Variants in KIF21A observed in about 807,000 individuals in gnomAD.
The protein encoded by KIF21A is kinesin-like protein KIF21A.
Under a neutral mutation model 202.9 loss-of-function variants are expected in KIF21A, and 114 were observed. The ratio of observed to expected loss-of-function variants is 0.56; its 90% confidence interval spans 0.48 to 0.66. The LOEUF (loss-of-function observed/expected upper bound fraction) is 0.66. Among genes scored for constraint, KIF21A ranks in the 30% least tolerant of loss-of-function variants. The pLI is 0.00. For synonymous variants in KIF21A, 667 were observed against 670.8 expected, an observed-to-expected ratio of 0.99 and a Z score of 0.09; for missense variants, 1,677 against 1,994.9, an observed-to-expected ratio of 0.84 and a Z score of 3.04.
chr12:39,356,842 C>T lies in KIF21A; in HGVS notation c.1459G>A (p.Glu487Lys), dbSNP rs1948811066. ...GAACATGAACTATACCTGAGATCTT[C>T]GATTTCTTTTATATAACTATGAATC... ...NMIHSYIKEI[E>K]DLRAKLLESE... Residue 487 changes from glutamate to lysine, a missense_variant, in exon 10 of 38, where the codon GAA becomes AAA. By Grantham distance (56) the Glu-to-Lys change is moderately conservative (BLOSUM62 1). This residue lies in a region of KIF21A where 966 missense variants were observed against 1,180.9 expected (regional missense o/e 0.82). Transcript: ENST00000361418. 4.9e-6 allele frequency: 6 copies of T among 1,217,198 alleles called. No homozygotes were observed. Among genetic ancestry groups the T allele is most frequent in the South Asian group, 1.2e-5 (1 of 82,154 alleles). The allele number at this position is 1,217,198 out of a possible 1,614,324, so 75.4% of individuals were successfully genotyped here. A position where few individuals can be genotyped will look rare whatever the true frequency, so the allele number is the denominator to read the frequency against.
chr12:39,307,866 G>C, intron 33 of KIF21A, 137 bp from the exon 34 acceptor site: 2 of 702,550 alleles, frequency 2.8e-6, no homozygotes, highest in South Asian at 3.0e-5. Flanking sequence ...ATACTACCTA[G>C]CACAGCACCT....
At chr12:39,376,701 A>G (rs1390597422) in intron 1 of KIF21A, among the ~76,000 whole-genome samples, 1 of 152,220 alleles carries the variant, frequency 6.6e-6, no homozygotes, top group Admixed American at 6.5e-5. Flanking sequence ...TAGCACCAAC[A>G]TCACTCAATC....
At chr12:39,415,382 G>A (rs942314593) in intron 1 of KIF21A, among the ~76,000 whole-genome samples, 2 of 151,740 alleles carry the variant, frequency 1.3e-5, no homozygotes, top group Admixed American at 6.6e-5. Flanking sequence ...TGGGACTACA[G>A]GCGCCCGCCA....
chr12:39,420,786 G>GA lies in KIF21A; in HGVS notation c.44+22140dup, dbSNP rs547494084. Among the ~76,000 whole-genome samples the GA allele has an allele frequency of 3.2e-3, 458 of 143,258 alleles. 3 individuals carry two copies. The highest frequency in any genetic ancestry group is 0.021 in the East Asian group (105 of 4,970). 94.0% of individuals were successfully genotyped at this position (143,258 alleles called of 152,430 possible). A position where few individuals can be genotyped will look rare whatever the true frequency, so the allele number is the denominator to read the frequency against. On this transcript the variant is annotated intron_variant, in intron 1 of 37. Coordinates refer to ENST00000361418, the MANE Select transcript of KIF21A (RefSeq NM_001173464.2). The stretch of plus-strand genomic sequence containing the variant: ...TGAGATCTACCCGTGAGGCTGAAAA[G>GA]AAAAAAAAAAATCAGACAAATCCTG...
At chr12:39,401,455 A>G (rs1221417571) in intron 1 of KIF21A, among the ~76,000 whole-genome samples, 1 of 152,210 alleles carries the variant, frequency 6.6e-6, no homozygotes, top group African/African-American at 2.4e-5. Flanking sequence ...TGGGGAAAAA[A>G]CAAAAAACAT....
intron 6 of KIF21A, among the ~76,000 whole-genome samples, chr12:39,364,359 A>G (rs1008200068): frequency 6.6e-6 from 1 of 152,252 alleles, no homozygotes; most frequent in African/African-American, 2.4e-5. Context: ...AAGAGCCTAA[A>G]GAGGAAAACA....
chr12:39,357,818 G>A (rs1190148877), intron 8 of KIF21A, among the ~76,000 whole-genome samples: 1 of 147,110 alleles, frequency 6.8e-6, no homozygotes, highest in Non-Finnish European at 1.5e-5. Context: ...GCTGAGACAG[G>A]AGAATCATTT....
rs78152306 is a variant in KIF21A, at chr12:39,311,372, T to TAA, written c.4096+43_4096+44dup. The TAA allele has an allele frequency of 5.3e-6, 8 of 1,520,564 alleles. No homozygotes were observed. The African/African-American group carries it at 1.1e-4, about 21-fold the overall frequency. The allele number at this position is 1,520,564 out of a possible 1,614,324, so 94.2% of individuals were successfully genotyped here. A position where few individuals can be genotyped will look rare whatever the true frequency, so the allele number is the denominator to read the frequency against. ...AATATGTTAAAAATGTAATTTTTTT[T>TAA]AAAAAAAAAGCTATTAAATATCTGC... On this transcript the variant is annotated intron_variant, in intron 32 of 37. Coordinates refer to ENST00000361418, the MANE Select transcript of KIF21A (RefSeq NM_001173464.2).
Position 39,294,418 on chromosome 12 carries a change from T to C in KIF21A, c.*6A>G, listed in dbSNP as rs748114796. 18 of 1,597,640 alleles carry C rather than the reference T, an allele frequency of 1.1e-5. No individual in the cohort carries two copies. The highest frequency in any genetic ancestry group is 1.5e-5 in the Non-Finnish European group (18 of 1,165,140). On this transcript the variant is annotated 3_prime_UTR_variant, in exon 38 of 38. Transcript: ENST00000361418. ...CATTCAGTTTACAACCTATCTTCAT[T>C]CATGTTTAATTACTGGCAATATCTT...
At chr12:39,367,317 G>A (rs1949668690) in intron 4 of KIF21A, 153 bp from the exon 5 acceptor site, 3 of 746,112 alleles carry the variant, frequency 4.0e-6, no homozygotes, top group Non-Finnish European at 7.0e-6. Flanking sequence ...CACTTTTTGA[G>A]ATGGACTTCT....
intron 29 of KIF21A, among the ~76,000 whole-genome samples, chr12:39,317,540 T>C (rs1484652592): frequency 1.3e-5 from 2 of 152,174 alleles, no homozygotes; most frequent in Non-Finnish European, 2.9e-5. Context: ...CTCCCAGTCC[T>C]ACTCTCTCCA....
At chr12:39,372,818 C>G (rs1027598533) in intron 1 of KIF21A, among the ~76,000 whole-genome samples, 1 of 152,064 alleles carries the variant, frequency 6.6e-6, no homozygotes. Flanking sequence ...AGCAAAAACC[C>G]CAATCCTCTT....
At chr12:39,399,247 T>C (rs1274476594) in intron 1 of KIF21A, among the ~76,000 whole-genome samples, 1 of 152,212 alleles carries the variant, frequency 6.6e-6, no homozygotes, top group African/African-American at 2.4e-5. Context: ...TTTTGTATTA[T>C]AAGTAACCTA....
rs1387332677 is a variant in KIF21A at position 39,436,448 on chromosome 12, A to ATATATATATT, written c.44+6478_44+6479insAATATATATA. ...TATATATATATATATATATATATAT[A>ATATATATATT]TTTTTTTTTTTTTTAGACAGGGTTT... On this transcript the variant is annotated intron_variant, in intron 1 of 37. Coordinates refer to ENST00000361418, the MANE Select transcript of KIF21A (RefSeq NM_001173464.2). Among the ~76,000 whole-genome samples, 128 of 95,748 alleles carry ATATATATATT rather than the reference A, an allele frequency of 1.3e-3. 2 individuals are homozygous for ATATATATATT. The highest frequency in any genetic ancestry group is 6.0e-3 in the African/African-American group (119 of 19,748). 62.8% of individuals were successfully genotyped at this position (95,748 alleles called of 152,430 possible). A position where few individuals can be genotyped will look rare whatever the true frequency, so the allele number is the denominator to read the frequency against.
intron 1 of KIF21A, among the ~76,000 whole-genome samples, chr12:39,387,160 T>C (rs753359949): frequency 1.2e-5 from 1 of 84,898 alleles, no homozygotes; most frequent in Non-Finnish European, 2.2e-5. Flanking sequence ...CATGCAGTAG[T>C]TACACACACA....
rs1351512351 is a variant in KIF21A, at chr12:39,355,707, T to TTTTATATATA, written c.1469+1124_1469+1125insTATATATAAA. Among the ~76,000 whole-genome samples, 102 of 101,234 alleles carry TTTTATATATA rather than the reference T, an allele frequency of 1.0e-3. 3 individuals are homozygous for TTTTATATATA. The highest frequency in any genetic ancestry group is 4.6e-3 in the African/African-American group (95 of 20,634). The allele number at this position is 101,234 out of a possible 152,430, so 66.4% of individuals were successfully genotyped here. Reference sequence around the variant, plus strand: ...TACCAAAAACATGAAGCATGAACAATTATATATATATATATATATATATAT... The same window carrying TTTTATATATA: ...TACCAAAAACATGAAGCATGAACAATTTTATATATATATATATATATATATATATATATAT... On this transcript the variant is annotated intron_variant, in intron 10 of 37. Coordinates refer to ENST00000361418, the MANE Select transcript of KIF21A (RefSeq NM_001173464.2).
At chr12:39,305,368 G>GA (rs539400060) in intron 34 of KIF21A, among the ~76,000 whole-genome samples, 1,176 of 78,762 alleles carry the variant, frequency 0.015, 11 homozygotes, top group Non-Finnish European at 0.023. Flanking sequence ...TCCGACTCAA[G>GA]AAAAAAAAAA....
chr12:39,298,163 A>G (rs1942593762), intron 37 of KIF21A, among the ~76,000 whole-genome samples: 2 of 152,286 alleles, frequency 1.3e-5, no homozygotes, highest in East Asian at 3.9e-4. Flanking sequence ...ACTGTGTGAT[A>G]GCCCCAGCTA....
chr12:39,330,211 G>A (rs1946391227), intron 24 of KIF21A, 31 bp downstream of exon 24: 3 of 1,590,430 alleles, frequency 1.9e-6, no homozygotes, highest in Middle Eastern at 1.7e-4. Context: ...TCATGCAGCT[G>A]TAGGATACAC....
Sources: gnomAD v4.1 joint callset for allele counts (sites outside exome capture counted in the v4.1 genomes callset) on GRCh38, gnomAD v4.1.1 for gene constraint, gnomAD v4.1.1 regional missense constraint, MANE v1.5 for transcripts, NCBI Gene and HGNC (gene_info 2026-07-23, HGNC 2026-07-21) for gene names.